The following FIG4 variants were observed in gnomAD, a reference collection of about 807,000 sequenced individuals.
FIG4 encodes the protein FIG4 phosphoinositide 5-phosphatase, also known as polyphosphoinositide phosphatase.
In FIG4, 112 loss-of-function variants were observed where a neutral mutation model predicts 118.6. The observed-to-expected ratio is 0.94, with a 90% CI of 0.81 to 1.11. FIG4 has a LOEUF of 1.11. Among genes scored for constraint, FIG4 ranks in the 50% least tolerant of loss-of-function variants. The pLI, the probability that FIG4 is intolerant of heterozygous loss-of-function variation, is 0.00. For missense variants in FIG4, 969 were observed against 1,111.7 expected (o/e 0.87, Z 1.83); for synonymous variants, 369 against 381.2 (o/e 0.97, Z 0.37).
chr6:109,819,625 C>T (rs1472670905), intron 22 of FIG4, among the ~76,000 whole-genome samples: 2 of 151,986 alleles, frequency 1.3e-5, no homozygotes, highest in South Asian at 4.1e-4. Context: ...CCCGCCACCA[C>T]GAGCTGCTAT....
chr6:109,753,777 G>A (rs1332293015), intron 10 of FIG4, among the ~76,000 whole-genome samples: 4 of 150,760 alleles, frequency 2.7e-5, no homozygotes, highest in Non-Finnish European at 4.4e-5. Context: ...TGTGATTTTT[G>A]TACATTGATT....
At chr6:109,752,993 T>C (rs9481000) in intron 10 of FIG4, among the ~76,000 whole-genome samples, 4,488 of 152,258 alleles carry the variant, frequency 0.029, 227 homozygotes, top group African/African-American at 0.1. Context: ...TAGTCTTTAA[T>C]CCATCTTGAA....
At chr6:109,763,824 G>C in intron 12 of FIG4, 113 bp from the exon 13 acceptor site, 1 of 762,730 alleles carries the variant, frequency 1.3e-6, no homozygotes, top group Non-Finnish European at 2.3e-6. Flanking sequence ...TGATTTTTCA[G>C]GAGCCTTCAG....
intron 22 of FIG4, among the ~76,000 whole-genome samples, chr6:109,815,822 CAG>C (rs966196270): frequency 1.3e-5 from 2 of 151,206 alleles, no homozygotes; most frequent in African/African-American, 4.9e-5. Flanking sequence ...ACAATAAAAA[CAG>C]GGAGCAACCA....
chr6:109,816,095 CTG>C (rs951859329), intron 22 of FIG4, among the ~76,000 whole-genome samples: 2 of 152,176 alleles, frequency 1.3e-5, no homozygotes, highest in South Asian at 2.1e-4. Context: ...GCCTGGAAAT[CTG>C]TGCTTTGTAC....
intron 22 of FIG4, among the ~76,000 whole-genome samples, chr6:109,822,153 C>CT (rs576911723): frequency 6.6e-6 from 1 of 152,108 alleles, no homozygotes; most frequent in African/African-American, 2.4e-5. Context: ...ACGACAGTGT[C>CT]TTTTTTTAAA....
At chr6:109,719,238 T>C (rs755815889) in intron 3 of FIG4, among the ~76,000 whole-genome samples, 4 of 152,148 alleles carry the variant, frequency 2.6e-5, no homozygotes, top group Non-Finnish European at 4.4e-5. Context: ...TTGATAGGCA[T>C]TTCATAATGT....
intron 13 of FIG4, 145 bp downstream of exon 13, chr6:109,764,127 G>A: frequency 1.5e-6 from 1 of 654,818 alleles, no homozygotes; most frequent in Non-Finnish European, 2.7e-6. Flanking sequence ...CTTACTTCTA[G>A]TCTTTAATGC....
chr6:109,810,332 A>G (rs1778685351), intron 22 of FIG4, among the ~76,000 whole-genome samples: 1 of 152,202 alleles, frequency 6.6e-6, no homozygotes, highest in South Asian at 2.1e-4. Flanking sequence ...ATCTGTGGAA[A>G]GAATTCTAGG....
At chr6:109,732,004 G>A (rs1363650380) in intron 4 of FIG4, among the ~76,000 whole-genome samples, 1 of 152,170 alleles carries the variant, frequency 6.6e-6, no homozygotes, top group African/African-American at 2.4e-5. Flanking sequence ...GCTCTAATGT[G>A]ATAAAAGTAA....
intron 16 of FIG4, among the ~76,000 whole-genome samples, chr6:109,781,252 A>T (rs893029231): frequency 6.6e-6 from 1 of 152,206 alleles, no homozygotes; most frequent in Admixed American, 6.5e-5. Flanking sequence ...AGATTTCCTC[A>T]TCCACTTGAT....
intron 10 of FIG4, among the ~76,000 whole-genome samples, chr6:109,747,254 A>G (rs1233144327): frequency 6.6e-6 from 1 of 152,090 alleles, no homozygotes; most frequent in Non-Finnish European, 1.5e-5. Flanking sequence ...ATGGGCATGG[A>G]TGAGATGCCC....
intron 10 of FIG4, among the ~76,000 whole-genome samples, chr6:109,755,758 C>T (rs1353832296): frequency 6.6e-6 from 1 of 152,112 alleles, no homozygotes; most frequent in Non-Finnish European, 1.5e-5. Context: ...AGGATTGCAA[C>T]CCCTGCCTTT....
chr6:109,726,103 A>G (rs1775802498), intron 3 of FIG4, among the ~76,000 whole-genome samples: 1 of 145,788 alleles, frequency 6.9e-6, no homozygotes, highest in African/African-American at 2.5e-5. Flanking sequence ...CTTTAGTTTA[A>G]TTAAATCCCA....
chr6:109,741,317 G>C, intron 7 of FIG4, 127 bp from the exon 8 acceptor site: 1 of 770,542 alleles, frequency 1.3e-6, no homozygotes, highest in Non-Finnish European at 2.4e-6. Flanking sequence ...TCCATTCTTG[G>C]GTGGAGCTTT....
chr6:109,789,228 A>G (rs1368914221), intron 18 of FIG4, among the ~76,000 whole-genome samples: 1 of 152,254 alleles, frequency 6.6e-6, no homozygotes, highest in African/African-American at 2.4e-5. Flanking sequence ...ACATCTTAGC[A>G]GAAGTTCAGA....
At chr6:109,779,073 A>C (rs767736418) in intron 16 of FIG4, among the ~76,000 whole-genome samples, 3 of 152,094 alleles carry the variant, frequency 2.0e-5, no homozygotes, top group African/African-American at 4.8e-5. Context: ...TTTTACATTA[A>C]ATTTATTATT....
intron 16 of FIG4, among the ~76,000 whole-genome samples, chr6:109,783,636 T>A (rs1777871776): frequency 6.6e-6 from 1 of 152,262 alleles, no homozygotes; most frequent in African/African-American, 2.4e-5. Flanking sequence ...AATAACTGAA[T>A]GAATTCTTCA....
intron 22 of FIG4, among the ~76,000 whole-genome samples, chr6:109,819,689 G>A (rs763675438): frequency 3.9e-5 from 6 of 151,966 alleles, no homozygotes; most frequent in Non-Finnish European, 7.4e-5. Context: ...GGCTGATCTC[G>A]AACTCCTGAC....
Sources: gnomAD v4.1 joint callset for allele counts (sites outside exome capture counted in the v4.1 genomes callset) on GRCh38, gnomAD v4.1.1 for gene constraint, MANE v1.5 for transcripts, NCBI Gene and HGNC (gene_info 2026-07-23, HGNC 2026-07-21) for gene names.